PPEF2: variants seen among roughly 807,000 people sequenced by gnomAD.
The protein encoded by PPEF2 is protein phosphatase with EF-hand domain 2, also known as serine/threonine-protein phosphatase with EF-hands 2.
PPEF2 carries 84 observed loss-of-function variants against 84.7 expected under a neutral mutation model. The ratio of observed to expected loss-of-function variants is 0.99; its 90% CI spans 0.83 to 1.19. PPEF2 has a LOEUF of 1.19. Ranked by LOEUF, PPEF2 falls within the 50% of genes most tolerant of loss-of-function variation. The pLI is 0.00. For synonymous variants in PPEF2, 346 were observed against 345.2 expected, an observed-to-expected ratio of 1.00 and a Z score of -0.03; for missense variants, 924 against 937.5, an observed-to-expected ratio of 0.99 and a Z score of 0.19.
intron 13 of PPEF2, 38 bp from the exon 14 acceptor site, chr4:75,867,457 G>T: frequency 7.2e-7 from 1 of 1,385,952 alleles, no homozygotes; most frequent in Non-Finnish European, 1.0e-6. Context: ...TTAACACACT[G>T]GTATAGAAAA....
intron 15 of PPEF2, among the ~76,000 whole-genome samples, chr4:75,865,277 G>A (rs763286420): frequency 1.1e-4 from 17 of 152,040 alleles, no homozygotes; most frequent in Non-Finnish European, 1.8e-4. Context: ...ATAATTTTGT[G>A]CATGAAACAA....
chr4:75,891,649 G>T lies in PPEF2; in HGVS notation c.240C>A (p.Asp80Glu). Residue 80 changes from aspartate (D) to glutamate (E), a missense_variant and splice_region_variant, in exon 4 of 17, where the codon GAC becomes GAA. Coordinates refer to ENST00000286719, the MANE Select transcript of PPEF2 (RefSeq NM_006239.3). ...MDHFIPSSHN[D>E]RDFLTRIFTE... ...TGACATGTGGCAGTTCATACTCACT[G>T]TCGTTGTGGCTGCTGGGGATGAAGT... 6.2e-7 allele frequency: 1 copy of T among 1,608,264 alleles called. No homozygotes were observed. The highest frequency in any genetic ancestry group is 8.5e-7 in the Non-Finnish European group (1 of 1,177,608).
At chr4:75,875,590 C>G (rs551666478) in intron 11 of PPEF2, among the ~76,000 whole-genome samples, 2 of 152,278 alleles carry the variant, frequency 1.3e-5, no homozygotes, top group African/African-American at 4.8e-5. Flanking sequence ...GCCTGGGCAA[C>G]TGGAGTGACA....
At chr4:75,860,954 A>C in intron 16 of PPEF2, 34 bp from the exon 17 acceptor site, 2 of 1,602,748 alleles carry the variant, frequency 1.2e-6, no homozygotes, top group Non-Finnish European at 1.7e-6. Flanking sequence ...TCAGTGAGTT[A>C]GTCTAGTTTT....
intron 2 of PPEF2, among the ~76,000 whole-genome samples, chr4:75,892,367 C>T (rs1477327670): frequency 6.6e-6 from 1 of 152,046 alleles, no homozygotes; most frequent in Non-Finnish European, 1.5e-5. Flanking sequence ...GTGGGGTGGA[C>T]ATTTTGATAT....
At chr4:75,886,760 G>T in intron 7 of PPEF2, 92 bp downstream of exon 7, 1 of 686,162 alleles carries the variant, frequency 1.5e-6, no homozygotes, top group Non-Finnish European at 2.4e-6. Context: ...AAAACTTCAA[G>T]TAATATTTAA....
chr4:75,882,430 A>G (rs1724600551), intron 10 of PPEF2, among the ~76,000 whole-genome samples: 1 of 152,156 alleles, frequency 6.6e-6, no homozygotes, highest in Non-Finnish European at 1.5e-5. Flanking sequence ...TCTAGATCCA[A>G]TGGCAGATAA....
intron 16 of PPEF2, among the ~76,000 whole-genome samples, chr4:75,864,103 C>A (rs572811950): frequency 1.3e-5 from 2 of 152,118 alleles, no homozygotes; most frequent in South Asian, 4.1e-4. Context: ...GAACTCCTGA[C>A]TTCAGGTGAT....
At chr4:75,886,978 C>T (rs1724745176) in intron 6 of PPEF2, 80 bp from the exon 7 acceptor site, 23 of 754,774 alleles carry the variant, frequency 3.0e-5, no homozygotes, top group Non-Finnish European at 4.5e-5. Context: ...AAAGAAAATA[C>T]CCAGAAGAAT....
chr4:75,870,608 C>T (rs975396726), intron 13 of PPEF2, among the ~76,000 whole-genome samples: 3 of 152,132 alleles, frequency 2.0e-5, no homozygotes, highest in Non-Finnish European at 2.9e-5. Context: ...AGGCCATCTT[C>T]GTTGTAGGAG....
chr4:75,892,888 G>A (rs1450337627), intron 2 of PPEF2, among the ~76,000 whole-genome samples: 2 of 152,162 alleles, frequency 1.3e-5, no homozygotes, highest in Non-Finnish European at 2.9e-5. Flanking sequence ...GACTATTTGT[G>A]GATAAAGCTG....
At chr4:75,883,142 CTT>C in intron 9 of PPEF2, 22 bp downstream of exon 9, 1 of 1,613,744 alleles carries the variant, frequency 6.2e-7, no homozygotes, top group Non-Finnish European at 8.5e-7. Context: ...CTGAGAGAAA[CTT>C]TTGTCTTTAA....
At chr4:75,890,619 G>A (rs1724855141) in intron 4 of PPEF2, among the ~76,000 whole-genome samples, 1 of 152,058 alleles carries the variant, frequency 6.6e-6, no homozygotes. Flanking sequence ...TGGGCAGGAG[G>A]AAAAAGTCAT....
Position 75,860,867 on chromosome 4 carries a change from T to C in PPEF2, c.2062A>G (p.Met688Val), listed in dbSNP as rs1553906556. Residue 688 changes from methionine (M) to valine (V), a missense_variant, in exon 17 of 17, where the codon ATG becomes GTG. Coordinates refer to ENST00000286719, the MANE Select transcript of PPEF2 (RefSeq NM_006239.3). Reference sequence around the variant, plus strand: ...CAGTCATCTGTAATGTCGATATTCATGTGAGAGCTGAACAGCTTCCAGGTC... The same window carrying C: ...CAGTCATCTGTAATGTCGATATTCACGTGAGAGCTGAACAGCTTCCAGGTC... The part of the protein sequence containing the change: ...RQTWKLFSSH[M>V]NIDITDDCIC... 3 of 1,614,256 alleles carry C rather than the reference T, an allele frequency of 1.9e-6. No individual in the cohort carries two copies. Among genetic ancestry groups the C allele is most frequent in the Non-Finnish European group, 2.5e-6 (3 of 1,180,040 alleles).
chr4:75,885,186 T>C (rs1724690493), intron 7 of PPEF2, among the ~76,000 whole-genome samples: 1 of 152,250 alleles, frequency 6.6e-6, no homozygotes, highest in Non-Finnish European at 1.5e-5. Flanking sequence ...AAAAATATTA[T>C]ACTCATCTCC....
chr4:75,867,557 C>T (rs1279828764), intron 13 of PPEF2, 138 bp from the exon 14 acceptor site: 1 of 609,906 alleles, frequency 1.6e-6, no homozygotes, highest in African/African-American at 1.9e-5. Flanking sequence ...AGCGCCTTTA[C>T]TCTTCCCTGT....
chr4:75,860,495 C>T lies in PPEF2; in HGVS notation c.*172G>A, dbSNP rs1560477425. On this transcript the variant is annotated 3_prime_UTR_variant, in exon 17 of 17. Coordinates refer to ENST00000286719, the MANE Select transcript of PPEF2 (RefSeq NM_006239.3). ...GGCACTCATATACTTAAAACACATA[C>T]ATACACAACACCCCAACCCACCCCT... is the stretch of plus-strand genomic sequence containing the variant. 1 of 801,228 alleles carries T rather than the reference C, an allele frequency of 1.2e-6. No homozygotes were observed. The highest frequency in any genetic ancestry group is 1.9e-6 in the Non-Finnish European group (1 of 518,564). The allele number at this position is 801,228 out of a possible 1,614,324, so 49.6% of individuals were successfully genotyped here. A position where few individuals can be genotyped will look rare whatever the true frequency, so the allele number is the denominator to read the frequency against.
At chr4:75,885,417 G>A (rs1724695424) in intron 7 of PPEF2, among the ~76,000 whole-genome samples, 1 of 152,116 alleles carries the variant, frequency 6.6e-6, no homozygotes, top group Admixed American at 6.6e-5. Flanking sequence ...CAAATGCTGG[G>A]ATTACAGGCA....
At chr4:75,879,822 GTTA>G (rs1026693842) in intron 10 of PPEF2, among the ~76,000 whole-genome samples, 6 of 137,344 alleles carry the variant, frequency 4.4e-5, no homozygotes, top group African/African-American at 1.5e-4. Flanking sequence ...TTTTTAAAAT[GTTA>G]TTATTTACTT....
Sources: gnomAD v4.1 joint callset for allele counts (sites outside exome capture counted in the v4.1 genomes callset) on GRCh38, gnomAD v4.1.1 for gene constraint, MANE v1.5 for transcripts, NCBI Gene and HGNC (gene_info 2026-07-23, HGNC 2026-07-21) for gene names.